Variants in STRN observed in about 807,000 individuals in gnomAD.
STRN encodes the protein protein phosphatase 2 regulatory subunit B'''alpha.
In STRN, 53 loss-of-function variants were observed where a neutral mutation model predicts 96.3. The ratio of observed to expected loss-of-function variants is 0.55; its 90% CI spans 0.44 to 0.69. The LOEUF (loss-of-function observed/expected upper bound fraction) is 0.69, where lower values mean the gene tolerates loss of function less well. STRN is among the 30% of genes least tolerant of loss of function. STRN has a pLI of 0.00. For synonymous variants in STRN, 428 were observed against 355.9 expected, an observed-to-expected ratio of 1.20 and a Z score of -2.28; for missense variants, 987 against 963.9, an observed-to-expected ratio of 1.02 and a Z score of -0.32.
rs1245519941 is a variant in STRN, at chr2:36,838,006, T to C, written c.*11450A>G. Among the ~76,000 whole-genome samples the C allele has an allele frequency of 6.6e-6, 1 of 152,208 alleles. No homozygotes were observed. The highest frequency in any genetic ancestry group is 1.5e-5 in the Non-Finnish European group (1 of 68,040). ...TGTTACTTCCATGGTTGATGTTACA[T>C]TGCAGGGCAGAGGGACTTGGCAGAT... On this transcript the variant is annotated 3_prime_UTR_variant, in exon 18 of 18. Transcript: ENST00000263918.
chr2:36,961,115 CTTT>C (rs551915869), intron 1 of STRN, among the ~76,000 whole-genome samples: 62 of 60,314 alleles, frequency 1.0e-3, no homozygotes, highest in Non-Finnish European at 1.4e-3. Context: ...CCAGGCTGCA[CTTT>C]TTTTTTTTTT....
chr2:36,898,689 G>A (rs1286133204), intron 6 of STRN, among the ~76,000 whole-genome samples: 1 of 152,164 alleles, frequency 6.6e-6, no homozygotes, highest in Non-Finnish European at 1.5e-5. Flanking sequence ...AACACAAATA[G>A]TGGCAGAACT....
intron 6 of STRN, among the ~76,000 whole-genome samples, chr2:36,898,884 G>C (rs1300363913): frequency 6.6e-6 from 1 of 152,044 alleles, no homozygotes; most frequent in Non-Finnish European, 1.5e-5. Context: ...AGGAAGGAGA[G>C]AGAGAAGGGA....
intron 2 of STRN, among the ~76,000 whole-genome samples, chr2:36,924,568 G>A (rs879671853): frequency 1.3e-5 from 2 of 152,076 alleles, no homozygotes; most frequent in Admixed American, 6.6e-5. Context: ...AACAGGCAGA[G>A]TAGGAAAAAA....
chr2:36,959,673 T>C (rs986072834), intron 1 of STRN, among the ~76,000 whole-genome samples: 1 of 152,112 alleles, frequency 6.6e-6, no homozygotes, highest in Non-Finnish European at 1.5e-5. Context: ...GAAAGAACAA[T>C]GGAAAAAGAA....
intron 2 of STRN, among the ~76,000 whole-genome samples, chr2:36,922,394 C>T (rs753569572): frequency 7.2e-5 from 11 of 151,804 alleles, no homozygotes; most frequent in Admixed American, 2.6e-4. Context: ...TGGAGTATAT[C>T]TGTATTCCCA....
chr2:36,873,916 C>T (rs1355899803), intron 10 of STRN, among the ~76,000 whole-genome samples: 2 of 144,584 alleles, frequency 1.4e-5, no homozygotes, highest in African/African-American at 5.1e-5. Context: ...GCACTCCAGT[C>T]TGGCGACAAA....
chr2:36,856,072 A>T (rs1335365146), intron 14 of STRN, among the ~76,000 whole-genome samples: 1 of 152,228 alleles, frequency 6.6e-6, no homozygotes, highest in Non-Finnish European at 1.5e-5. Context: ...AGAAATGCTC[A>T]TCAAAATTAG....
intron 1 of STRN, among the ~76,000 whole-genome samples, chr2:36,965,654 C>A (rs1170569216): frequency 1.3e-5 from 2 of 151,862 alleles, no homozygotes; most frequent in Non-Finnish European, 2.9e-5. Flanking sequence ...GCCGGGGGGT[C>A]GGAAGAAAGT....
At chr2:36,903,847 T>G (rs1669750663) in intron 4 of STRN, among the ~76,000 whole-genome samples, 2 of 152,344 alleles carry the variant, frequency 1.3e-5, no homozygotes, top group Admixed American at 1.3e-4. Flanking sequence ...TTTAAAGTTC[T>G]TGAAAACGGC....
At chr2:36,906,751 A>T (rs914345454) in intron 3 of STRN, among the ~76,000 whole-genome samples, 6 of 151,792 alleles carry the variant, frequency 4.0e-5, no homozygotes, top group African/African-American at 1.5e-4. Flanking sequence ...CATGGCAAAA[A>T]ACCCCATATC....
chr2:36,858,629 T>A (rs927750535), intron 13 of STRN, among the ~76,000 whole-genome samples: 1 of 152,166 alleles, frequency 6.6e-6, no homozygotes, highest in Non-Finnish European at 1.5e-5. Flanking sequence ...AGTCTCATGA[T>A]AAAAGTCAAA....
chr2:36,863,356 G>GT (rs1249215078), intron 12 of STRN, among the ~76,000 whole-genome samples: 1 of 152,064 alleles, frequency 6.6e-6, no homozygotes, highest in Non-Finnish European at 1.5e-5. Flanking sequence ...TTTATATATG[G>GT]TATAAGGAAG....
At chr2:36,862,295 G>T (rs991301119) in intron 12 of STRN, among the ~76,000 whole-genome samples, 1 of 152,088 alleles carries the variant, frequency 6.6e-6, no homozygotes, top group Non-Finnish European at 1.5e-5. Flanking sequence ...AGGTTGACTG[G>T]TAGTTCAAAC....
At chr2:36,905,013 A>G (rs1330506596) in intron 4 of STRN, among the ~76,000 whole-genome samples, 1 of 146,856 alleles carries the variant, frequency 6.8e-6, no homozygotes, top group Non-Finnish European at 1.5e-5. Context: ...CTTGTTGCCC[A>G]GGCTGGAGTG....
chr2:36,965,800 G>C (rs1250447264), intron 1 of STRN, among the ~76,000 whole-genome samples: 1 of 152,226 alleles, frequency 6.6e-6, no homozygotes, highest in African/African-American at 2.4e-5. Flanking sequence ...CTTGAAGAGA[G>C]GGGCCAAAGC....
intron 8 of STRN, 69 bp downstream of exon 8, chr2:36,886,647 T>TG: frequency 8.2e-7 from 1 of 1,214,936 alleles, no homozygotes; most frequent in Non-Finnish European, 1.2e-6. Context: ...AGGAAAACAT[T>TG]GAAAAAAAAA....
chr2:36,884,035 C>A lies in STRN; in HGVS notation c.1083G>T (p.Leu361Phe). 2 of 1,401,780 alleles carry A rather than the reference C, an allele frequency of 1.4e-6. No individual in the cohort carries two copies. Among genetic ancestry groups the A allele is most frequent in the Non-Finnish European group, 9.4e-7 (1 of 1,069,180 alleles). 86.8% of individuals were successfully genotyped at this position (1,401,780 alleles called of 1,614,324 possible). ...ATGAAGGAAGTTCATCAACATCTCT[C>A]AAATTAGCAAGCATATCTTGTAGTT... ...RSKLQDMLAN[L>F]RDVDELPSLQ... is the part of the protein sequence containing the mutation. Residue 361 changes from leucine (L) to phenylalanine (F), a missense_variant, in exon 9 of 18, where the codon TTG becomes TTT. Leu to Phe is a conservative substitution (Grantham distance 22, BLOSUM62 0). Coordinates refer to ENST00000263918, the MANE Select transcript of STRN (RefSeq NM_003162.4).
chr2:36,897,476 C>G (rs988690006), intron 6 of STRN, among the ~76,000 whole-genome samples: 3 of 151,430 alleles, frequency 2.0e-5, no homozygotes, highest in Non-Finnish European at 4.4e-5. Flanking sequence ...CGCTCTGTCA[C>G]CCAGGCTGGA....
Sources: allele counts gnomAD v4.1 joint callset (sites outside exome capture counted in the v4.1 genomes callset), GRCh38; gene constraint gnomAD v4.1.1; transcripts MANE v1.5; gene names NCBI Gene and HGNC (gene_info 2026-07-23, HGNC 2026-07-21).